Variants in NLGN1 observed in about 807,000 individuals in gnomAD.
The protein encoded by NLGN1 is neuroligin-1.
A neutral mutation model predicts 65.5 loss-of-function variants in NLGN1; 12 were observed. That is an observed-to-expected ratio of 0.18 (90% CI 0.12 to 0.30). The LOEUF (loss-of-function observed/expected upper bound fraction) is 0.30. Among genes scored for constraint, NLGN1 ranks in the 10% least tolerant of loss-of-function variants. The pLI, the probability that NLGN1 is intolerant of heterozygous loss-of-function variation, is 1.00. For missense variants in NLGN1, 750 were observed against 1,007.1 expected, an observed-to-expected ratio of 0.74 and a Z score of 3.46; for synonymous variants, 350 against 359.5, an observed-to-expected ratio of 0.97 and a Z score of 0.30.
intron 4 of NLGN1, among the ~76,000 whole-genome samples, chr3:173,898,904 C>A (rs1579065206): frequency 6.6e-6 from 1 of 152,106 alleles, no homozygotes; most frequent in East Asian, 1.9e-4. Context: ...TTTTGCGGAC[C>A]ATTCAGATAC....
chr3:174,291,472 A>G (rs1001299680), downstream of NLGN1, among the ~76,000 whole-genome samples: 10 of 151,274 alleles, frequency 6.6e-5, no homozygotes, highest in African/African-American at 2.2e-4. Context: ...TCAAAGAAAT[A>G]ATATAAGCAT....
intron 1 of NLGN1, among the ~76,000 whole-genome samples, chr3:173,425,246 C>T (rs1177929325): frequency 6.6e-6 from 1 of 152,148 alleles, no homozygotes; most frequent in Non-Finnish European, 1.5e-5. Context: ...GTGGGGATTA[C>T]AATTCACGAT....
At chr3:174,133,090 T>C (rs1422723602) in intron 4 of NLGN1, among the ~76,000 whole-genome samples, 2 of 152,220 alleles carry the variant, frequency 1.3e-5, no homozygotes, top group African/African-American at 4.8e-5. Flanking sequence ...TTGTTCCTTC[T>C]ATGTCCATTT....
At chr3:174,047,127 G>C (rs1192289002) in intron 4 of NLGN1, among the ~76,000 whole-genome samples, 1 of 151,826 alleles carries the variant, frequency 6.6e-6, no homozygotes, top group Non-Finnish European at 1.5e-5. Context: ...CAATATTGCT[G>C]ATATATTAAA....
chr3:173,908,095 T>A (rs952484188), intron 4 of NLGN1, among the ~76,000 whole-genome samples: 1 of 152,216 alleles, frequency 6.6e-6, no homozygotes, highest in African/African-American at 2.4e-5. Context: ...ATAAAAATAT[T>A]GATTACTGCA....
At chr3:173,746,816 G>A (rs1255124313) in intron 3 of NLGN1, among the ~76,000 whole-genome samples, 1 of 151,958 alleles carries the variant, frequency 6.6e-6, no homozygotes, top group Admixed American at 6.6e-5. Context: ...GCTGAGGCAA[G>A]AGGATCACTT....
intron 4 of NLGN1, among the ~76,000 whole-genome samples, chr3:173,887,465 A>T (rs1734565146): frequency 6.6e-6 from 1 of 152,026 alleles, no homozygotes; most frequent in Non-Finnish European, 1.5e-5. Context: ...AAACATCAAA[A>T]AAATTTAAAT....
At chr3:174,289,346 A>G (rs1752469488), downstream of NLGN1, among the ~76,000 whole-genome samples, 1 of 151,430 alleles carries the variant, frequency 6.6e-6, no homozygotes, top group Admixed American at 6.6e-5. Context: ...TTACTGAGCT[A>G]CTTGTTAATG....
At chr3:174,190,902 C>A (rs1732271939) in intron 4 of NLGN1, among the ~76,000 whole-genome samples, 1 of 152,132 alleles carries the variant, frequency 6.6e-6, no homozygotes, top group East Asian at 1.9e-4. Context: ...AGAAATCTGT[C>A]TTTCCAAAGG....
chr3:173,494,290 T>G (rs1041749956), intron 2 of NLGN1, among the ~76,000 whole-genome samples: 1 of 151,726 alleles, frequency 6.6e-6, no homozygotes, highest in African/African-American at 2.4e-5. Flanking sequence ...ATTGATGACA[T>G]TGAGTAGTTT....
At chr3:174,165,465 T>G (rs1561198756) in intron 4 of NLGN1, among the ~76,000 whole-genome samples, 1 of 152,126 alleles carries the variant, frequency 6.6e-6, no homozygotes, top group Non-Finnish European at 1.5e-5. Flanking sequence ...TCATATGGTT[T>G]TTGTTTTTAA....
intron 4 of NLGN1, among the ~76,000 whole-genome samples, chr3:173,975,365 T>C (rs775653803): frequency 2.0e-5 from 3 of 151,828 alleles, no homozygotes; most frequent in Admixed American, 2.0e-4. Flanking sequence ...GAGTGGTTGA[T>C]TGGGGAAGGG....
At chr3:174,275,261 G>T (rs1750328827) in intron 4 of NLGN1, 54 bp from the exon 5 acceptor site, 1 of 1,302,970 alleles carries the variant, frequency 7.7e-7, no homozygotes, top group Admixed American at 1.8e-5. Flanking sequence ...TAAATTTGAT[G>T]TCTATTTGAT....
intron 1 of NLGN1, among the ~76,000 whole-genome samples, chr3:173,429,752 A>G (rs1032899125): frequency 2.0e-5 from 3 of 152,128 alleles, no homozygotes; most frequent in Non-Finnish European, 2.9e-5. Context: ...GTTCCTGCAA[A>G]TAACTTGAGA....
In NLGN1 at chr3:174,003,205, G is replaced by A. The variant is rs76858386; in HGVS notation, c.646+195373G>A. On this transcript the variant is annotated intron_variant, in intron 4 of 6. Transcript: ENST00000457714. ...ATTATTCAGAAGAATAATATCAGAGGGGCTATGGACTTGCAAGAAAGTGAC... is the reference window on the plus strand; with the variant it reads ...ATTATTCAGAAGAATAATATCAGAGAGGCTATGGACTTGCAAGAAAGTGAC... 3.4e-3 allele frequency among the ~76,000 whole-genome samples: 518 copies of A among 152,138 alleles called. 26 individuals carry two copies. In the East Asian group the frequency reaches 0.087, roughly 26 times the overall value.
chr3:173,893,414 T>C (rs1443965395), intron 4 of NLGN1, among the ~76,000 whole-genome samples: 1 of 152,196 alleles, frequency 6.6e-6, no homozygotes, highest in Non-Finnish European at 1.5e-5. Flanking sequence ...AAAATGGTTG[T>C]ATCAATCATA....
intron 2 of NLGN1, among the ~76,000 whole-genome samples, chr3:173,465,286 A>G (rs545338111): frequency 1.3e-5 from 2 of 152,284 alleles, no homozygotes; most frequent in South Asian, 4.1e-4. Context: ...AAACACCCAA[A>G]TGAGCAATCC....
chr3:174,221,574 A>G (rs189452197), intron 4 of NLGN1, among the ~76,000 whole-genome samples: 98 of 151,458 alleles, frequency 6.5e-4, no homozygotes, highest in African/African-American at 2.2e-3. Context: ...AGATTCTTAG[A>G]TAAGTTATAC....
In NLGN1 at chr3:173,595,349, A is replaced by G. The variant is rs190786675; in HGVS notation, c.-320-8930A>G. Reference sequence around the variant, plus strand: ...CACACATCTCCAGGGCAGAAGCAAAATGCCACCAGAGTCTTTGCTAAAACA... The same window carrying G: ...CACACATCTCCAGGGCAGAAGCAAAGTGCCACCAGAGTCTTTGCTAAAACA... On this transcript the variant is annotated intron_variant, in intron 2 of 6. Transcript: ENST00000457714. 2.6e-4 allele frequency among the ~76,000 whole-genome samples: 39 copies of G among 152,246 alleles called. No homozygotes were observed. The Middle Eastern group carries it at 0.014, about 53-fold the overall frequency.
Sources: allele counts gnomAD v4.1 joint callset (sites outside exome capture counted in the v4.1 genomes callset), GRCh38; gene constraint gnomAD v4.1.1; transcripts MANE v1.5; gene names NCBI Gene and HGNC (gene_info 2026-07-23, HGNC 2026-07-21).